The following PRKG1 variants were observed in gnomAD, a reference collection of about 807,000 sequenced individuals.
PRKG1 encodes the protein protein kinase cGMP-dependent 1.
Under a neutral mutation model 88.1 loss-of-function variants are expected in PRKG1, and 35 were observed. That is an observed-to-expected ratio of 0.40 (90% confidence interval 0.30 to 0.53). The LOEUF is 0.53. PRKG1 is among the 20% of genes least tolerant of loss of function. The pLI is 0.59. For missense variants in PRKG1, 540 were observed against 839.8 expected (o/e 0.64, Z 4.41); for synonymous variants, 303 against 292.5 (o/e 1.04, Z -0.37).
intron 1 of PRKG1, among the ~76,000 whole-genome samples, chr10:51,147,545 A>G (rs866480439): frequency 3.9e-5 from 6 of 152,212 alleles, no homozygotes; most frequent in African/African-American, 1.4e-4. Flanking sequence ...TAGACTATTA[A>G]TATTTCCTCA....
chr10:52,132,008 C>A (rs186535042), intron 7 of PRKG1, among the ~76,000 whole-genome samples: 6 of 151,066 alleles, frequency 4.0e-5, no homozygotes, highest in South Asian at 4.2e-4. Flanking sequence ...AAAAACAGGG[C>A]AACCAGTGAG....
At chr10:51,322,841 G>A (rs1014229789) in intron 2 of PRKG1, among the ~76,000 whole-genome samples, 2 of 152,056 alleles carry the variant, frequency 1.3e-5, no homozygotes, top group African/African-American at 2.4e-5. Flanking sequence ...TGCACACTAA[G>A]GTTGACTTTT....
At chr10:51,975,179 T>C (rs904343357) in intron 5 of PRKG1, among the ~76,000 whole-genome samples, 1 of 152,072 alleles carries the variant, frequency 6.6e-6, no homozygotes, top group African/African-American at 2.4e-5. Flanking sequence ...CATAGGTCCA[T>C]TTTATAGTTA....
chr10:51,321,753 G>C lies in PRKG1; in HGVS notation c.479-145970G>C, dbSNP rs1052802313. 2.0e-5 allele frequency among the ~76,000 whole-genome samples: 3 copies of C among 152,148 alleles called. No homozygotes were observed. In the South Asian group the frequency reaches 6.2e-4, roughly 32 times the overall value. On this transcript the variant is annotated intron_variant, in intron 2 of 17. Transcript: ENST00000373980. ...ATTGTTCATTTTAAAATGACTAAAAGAGTATATTTGGATTGCTTGAAACAC... is the reference window on the plus strand; with the variant it reads ...ATTGTTCATTTTAAAATGACTAAAACAGTATATTTGGATTGCTTGAAACAC...
intron 5 of PRKG1, among the ~76,000 whole-genome samples, chr10:51,972,294 A>G (rs1182246989): frequency 1.3e-5 from 2 of 152,152 alleles, no homozygotes; most frequent in African/African-American, 4.8e-5. Flanking sequence ...CTGTTTGATA[A>G]ATATGCAATA....
intron 9 of PRKG1, among the ~76,000 whole-genome samples, chr10:52,169,132 G>T (rs1838585601): frequency 6.6e-6 from 1 of 152,090 alleles, no homozygotes; most frequent in Non-Finnish European, 1.5e-5. Context: ...GAAGAATTTG[G>T]CAAAAATTAA....
chr10:51,213,287 A>C (rs1484435908), intron 2 of PRKG1, among the ~76,000 whole-genome samples: 1 of 150,814 alleles, frequency 6.6e-6, no homozygotes, highest in Non-Finnish European at 1.5e-5. Flanking sequence ...GGACACAGGA[A>C]GGGGAACATC....
intron 3 of PRKG1, among the ~76,000 whole-genome samples, chr10:51,733,869 A>G (rs1656263062): frequency 1.3e-5 from 2 of 152,122 alleles, no homozygotes; most frequent in African/African-American, 2.4e-5. Context: ...CTCAAGTTTG[A>G]ACTTCTGGTG....
intron 3 of PRKG1, among the ~76,000 whole-genome samples, chr10:51,683,396 T>TA (rs1250298588): frequency 2.0e-5 from 3 of 151,974 alleles, no homozygotes; most frequent in Admixed American, 6.6e-5. Context: ...TAATTAAAAA[T>TA]AAAAAAACAA....
intron 1 of PRKG1, among the ~76,000 whole-genome samples, chr10:51,000,094 A>G (rs1369743523): frequency 4.6e-5 from 7 of 152,172 alleles, no homozygotes. Flanking sequence ...ACTCAATCCA[A>G]TATCCTGTGC....
At chr10:52,047,068 C>A (rs1014458434) in intron 5 of PRKG1, 3 of 152,004 alleles carry the variant, frequency 2.0e-5, no homozygotes, top group Admixed American at 2.0e-4. Context: ...ACATAATTCC[C>A]GATTATCCCA....
At chr10:51,615,657 G>T (rs1301333580) in intron 3 of PRKG1, among the ~76,000 whole-genome samples, 9 of 128,632 alleles carry the variant, frequency 7.0e-5, no homozygotes, top group South Asian at 2.5e-4. Flanking sequence ...ACTCTGCTTG[G>T]TTCTTTTTTT....
chr10:52,131,677 T>A (rs1415947435), intron 7 of PRKG1, among the ~76,000 whole-genome samples: 2 of 151,616 alleles, frequency 1.3e-5, no homozygotes, highest in Admixed American at 1.3e-4. Flanking sequence ...TGAAACCCCA[T>A]CTCTGCTAAA....
chr10:52,123,268 G>A (rs1847861712), intron 7 of PRKG1, among the ~76,000 whole-genome samples: 1 of 152,184 alleles, frequency 6.6e-6, no homozygotes, highest in African/African-American at 2.4e-5. Context: ...ATAGATCGAA[G>A]AGGATATGCA....
chr10:51,058,478 C>T (rs189262803), intron 1 of PRKG1, among the ~76,000 whole-genome samples: 105 of 152,174 alleles, frequency 6.9e-4, no homozygotes, highest in Non-Finnish European at 1.2e-3. Flanking sequence ...TTCATAACCT[C>T]CCCCACTATC....
intron 3 of PRKG1, among the ~76,000 whole-genome samples, chr10:51,730,022 C>G (rs950045572): frequency 6.6e-6 from 1 of 152,154 alleles, no homozygotes; most frequent in African/African-American, 2.4e-5. Flanking sequence ...CGTCATTACC[C>G]AAAGTCCATA....
intron 3 of PRKG1, among the ~76,000 whole-genome samples, chr10:51,473,755 AT>A (rs34322474): frequency 0.026 from 3,889 of 147,974 alleles, 76 homozygotes; most frequent in African/African-American, 0.054. Flanking sequence ...AGAAACACTG[AT>A]TTTTTTTTTT....
chr10:51,897,772 C>G (rs574074909), intron 4 of PRKG1, among the ~76,000 whole-genome samples: 2 of 152,234 alleles, frequency 1.3e-5, no homozygotes, highest in South Asian at 4.1e-4. Context: ...TGCTGTCCAG[C>G]CCTCCATCCT....
chr10:51,014,530 A>G (rs1843032870), intron 1 of PRKG1, among the ~76,000 whole-genome samples: 1 of 148,712 alleles, frequency 6.7e-6, no homozygotes, highest in Admixed American at 6.7e-5. Context: ...TCTTGAAAAC[A>G]TTTTTTTTTT....
Sources: gnomAD v4.1 joint callset for allele counts (sites outside exome capture counted in the v4.1 genomes callset) on GRCh38, gnomAD v4.1.1 for gene constraint, MANE v1.5 for transcripts, NCBI Gene and HGNC (gene_info 2026-07-23, HGNC 2026-07-21) for gene names.